Variants in HCRTR2 observed in about 807,000 individuals in gnomAD.
HCRTR2 encodes the protein orexin receptor type 2.
Under a neutral mutation model 49.0 loss-of-function variants are expected in HCRTR2, and 22 were observed. That is an observed-to-expected ratio of 0.45 (90% confidence interval 0.32 to 0.64). HCRTR2 has a LOEUF of 0.64. HCRTR2 is among the 30% of genes least tolerant of loss of function. The pLI, the probability that HCRTR2 is intolerant of heterozygous loss-of-function variation, is 0.04. For missense variants in HCRTR2, 491 were observed against 559.4 expected (o/e 0.88, Z 1.23); for synonymous variants, 236 against 205.3 (o/e 1.15, Z -1.28).
chr6:55,138,313 C>G (rs1370564304), intron 1 of HCRTR2, among the ~76,000 whole-genome samples: 1 of 152,068 alleles, frequency 6.6e-6, no homozygotes, highest in Non-Finnish European at 1.5e-5. Context: ...TCATGTTTGC[C>G]TCTAGCAAGT....
intron 1 of HCRTR2, among the ~76,000 whole-genome samples, chr6:55,187,296 C>T (rs1765233115): frequency 6.6e-6 from 1 of 151,474 alleles, no homozygotes; most frequent in South Asian, 2.1e-4. Flanking sequence ...GCCTGTAGTC[C>T]CAGCTACTTG....
intron 1 of HCRTR2, among the ~76,000 whole-genome samples, chr6:55,180,177 T>A (rs1365841675): frequency 6.6e-6 from 1 of 152,188 alleles, no homozygotes; most frequent in Non-Finnish European, 1.5e-5. Context: ...GATTAATAGG[T>A]TTTACAAATA....
At chr6:55,192,755 A>G (rs1765341881) in intron 1 of HCRTR2, among the ~76,000 whole-genome samples, 1 of 152,326 alleles carries the variant, frequency 6.6e-6, no homozygotes. Context: ...TCTAAGAATC[A>G]TGTTAATCTA....
At position 55,174,783 on chromosome 6, in the gene HCRTR2, G is replaced by T. The variant is rs1765008904; in HGVS notation, c.196G>T (p.Val66Phe). 6.2e-7 allele frequency: 1 copy of T among 1,613,884 alleles called. No individual in the cohort carries two copies. The highest frequency in any genetic ancestry group is 1.7e-5 in the Admixed American group (1 of 59,988). Residue 66 changes from valine to phenylalanine, a missense_variant, in exon 1 of 7, where the codon GTC becomes TTC. Transcript: ENST00000370862. ...GATCGCCGGGTACATCATCGTGTTC[G>T]TCGTGGCTCTCATTGGGAACGTCCT... ...VLIAGYIIVF[V>F]VALIGNVLVC... is the part of the protein sequence containing the mutation.
intron 1 of HCRTR2, among the ~76,000 whole-genome samples, chr6:55,200,154 C>T (rs77194898): frequency 1.3e-5 from 2 of 151,570 alleles, no homozygotes; most frequent in South Asian, 4.2e-4. Flanking sequence ...ATCTAGAAAT[C>T]TTTCACTATA....
chr6:55,249,837 G>A (rs1380379802), intron 2 of HCRTR2, among the ~76,000 whole-genome samples: 2 of 152,038 alleles, frequency 1.3e-5, no homozygotes, highest in Non-Finnish European at 2.9e-5. Context: ...CAAATGAAAT[G>A]GTGACCACTC....
intron 1 of HCRTR2, among the ~76,000 whole-genome samples, chr6:55,211,822 A>T (rs558817154): frequency 6.6e-6 from 1 of 152,100 alleles, no homozygotes; most frequent in South Asian, 2.1e-4. Flanking sequence ...ATTATTCCCA[A>T]GGTACTGGGA....
chr6:55,171,955 G>T (rs1388354304), upstream of HCRTR2, among the ~76,000 whole-genome samples: 1 of 152,128 alleles, frequency 6.6e-6, no homozygotes, highest in Non-Finnish European at 1.5e-5. Flanking sequence ...AACTTAAGTT[G>T]CAACAACCTT....
intron 2 of HCRTR2, among the ~76,000 whole-genome samples, chr6:55,253,697 A>T (rs1766595767): frequency 6.6e-6 from 1 of 152,220 alleles, no homozygotes; most frequent in African/African-American, 2.4e-5. Flanking sequence ...CTATGCAACC[A>T]TAAAAAAGAA....
chr6:55,226,878 C>G (rs1157141034), intron 1 of HCRTR2, among the ~76,000 whole-genome samples: 1 of 151,820 alleles, frequency 6.6e-6, no homozygotes, highest in African/African-American at 2.4e-5. Flanking sequence ...GCCACCACGC[C>G]CGGCTAATTG....
intron 1 of HCRTR2, among the ~76,000 whole-genome samples, chr6:55,201,331 C>T (rs1459361954): frequency 6.6e-6 from 1 of 152,040 alleles, no homozygotes; most frequent in Non-Finnish European, 1.5e-5. Context: ...AAACTTAGAC[C>T]TTTGCTGTTC....
chr6:55,174,191 A>C (rs373995163), upstream of HCRTR2: 1 of 194,266 alleles, frequency 5.1e-6, no homozygotes, highest in South Asian at 8.3e-5. Context: ...AGTTTTCATT[A>C]CTTTTTTTTT....
At chr6:55,130,361 T>C (rs1183405861) in intron 1 of HCRTR2, among the ~76,000 whole-genome samples, 5 of 151,236 alleles carry the variant, frequency 3.3e-5, no homozygotes, top group South Asian at 4.1e-4. Flanking sequence ...AGTTGGAGAA[T>C]TGGTAACCTT....
At chr6:55,271,562 C>T (rs1210903565) in intron 4 of HCRTR2, among the ~76,000 whole-genome samples, 2 of 152,082 alleles carry the variant, frequency 1.3e-5, no homozygotes, top group African/African-American at 2.4e-5. Context: ...AACTTTTGTG[C>T]TTCAAACTGC....
intron 1 of HCRTR2, among the ~76,000 whole-genome samples, chr6:55,202,400 A>G (rs1312030882): frequency 3.3e-5 from 5 of 152,330 alleles, no homozygotes; most frequent in Non-Finnish European, 4.4e-5. Flanking sequence ...TCAATGGAAT[A>G]GTTGATCTAA....
upstream of HCRTR2, among the ~76,000 whole-genome samples, chr6:55,170,193 C>A (rs2127266791): frequency 6.6e-6 from 1 of 150,426 alleles, no homozygotes; most frequent in Non-Finnish European, 1.5e-5. Flanking sequence ...AGCTACATTT[C>A]TTTTTTACCT....
In HCRTR2 at chr6:55,272,774, CA is replaced by C. The variant is rs538146136; in HGVS notation, c.763-4605del. On this transcript the variant is annotated intron_variant, in intron 4 of 6. Coordinates refer to ENST00000370862, the MANE Select transcript of HCRTR2 (RefSeq NM_001384272.1). ...TACTTCTATAGACTTTAAAATGGTC[CA>C]TAGATGTGCAAAAAATGAGAGAACC... 5.2e-4 allele frequency among the ~76,000 whole-genome samples: 77 copies of C among 149,338 alleles called. 1 individual carries two copies. The South Asian group carries it at 0.014, about 28-fold the overall frequency.
upstream of HCRTR2, among the ~76,000 whole-genome samples, chr6:55,171,641 A>G (rs1367680538): frequency 6.6e-6 from 1 of 152,232 alleles, no homozygotes; most frequent in Non-Finnish European, 1.5e-5. Context: ...GCACCAGAGA[A>G]ATCATAGATA....
At chr6:55,122,819 G>A (rs1764219938) in intron 1 of HCRTR2, among the ~76,000 whole-genome samples, 1 of 151,982 alleles carries the variant, frequency 6.6e-6, no homozygotes, top group Non-Finnish European at 1.5e-5. Context: ...CCTTTGTAGG[G>A]ACATGGATGA....
Sources: allele counts gnomAD v4.1 joint callset (sites outside exome capture counted in the v4.1 genomes callset), GRCh38; gene constraint gnomAD v4.1.1; transcripts MANE v1.5; gene names NCBI Gene and HGNC (gene_info 2026-07-23, HGNC 2026-07-21).